Variants in TSHZ3 observed in about 807,000 individuals in gnomAD.
TSHZ3 encodes the protein teashirt homolog 3.
Under a neutral mutation model 64.5 loss-of-function variants are expected in TSHZ3, and 10 were observed. The observed-to-expected ratio is 0.16, with a 90% CI of 0.10 to 0.26. The LOEUF is 0.26. TSHZ3 is among the 10% of genes least tolerant of loss of function. TSHZ3 has a pLI of 1.00. For missense variants in TSHZ3, 1,242 were observed against 1,421.7 expected, an observed-to-expected ratio of 0.87 and a Z score of 2.03; for synonymous variants, 608 against 593.1, an observed-to-expected ratio of 1.03 and a Z score of -0.36.
intron 1 of TSHZ3, among the ~76,000 whole-genome samples, chr19:31,294,611 T>C (rs1245281341): frequency 6.6e-6 from 1 of 152,248 alleles, no homozygotes; most frequent in African/African-American, 2.4e-5. Flanking sequence ...TTAAATAATT[T>C]TGACTGACAT....
At chr19:31,339,331 C>T (rs920845344) in intron 1 of TSHZ3, among the ~76,000 whole-genome samples, 3 of 151,982 alleles carry the variant, frequency 2.0e-5, no homozygotes, top group African/African-American at 7.3e-5. Flanking sequence ...TATGAATGAG[C>T]ATAACCTCTC....
intron 5 of TSHZ3, among the ~76,000 whole-genome samples, chr19:31,182,749 T>A (rs763261082): frequency 6.6e-6 from 1 of 152,106 alleles, no homozygotes; most frequent in Non-Finnish European, 1.5e-5. Context: ...GATAAGTTTC[T>A]TAGACAAAAA....
At chr19:31,335,514 C>T (rs1469859087) in intron 1 of TSHZ3, among the ~76,000 whole-genome samples, 1 of 152,190 alleles carries the variant, frequency 6.6e-6, no homozygotes, top group Non-Finnish European at 1.5e-5. Context: ...GTACTGACTG[C>T]CCTGGAAAAT....
At chr19:31,223,602 G>T (rs1022229970) in intron 4 of TSHZ3, among the ~76,000 whole-genome samples, 2 of 152,128 alleles carry the variant, frequency 1.3e-5, no homozygotes, top group African/African-American at 4.8e-5. Context: ...GGAAAGCGAT[G>T]CACATGTATT....
At chr19:31,239,811 G>A (rs1243615322) in intron 3 of TSHZ3, among the ~76,000 whole-genome samples, 1 of 152,024 alleles carries the variant, frequency 6.6e-6, no homozygotes, top group African/African-American at 2.4e-5. Flanking sequence ...TTGGACTCCT[G>A]AGTTCAAGTG....
At chr19:31,210,537 C>A (rs1975249215) in intron 4 of TSHZ3, among the ~76,000 whole-genome samples, 1 of 152,078 alleles carries the variant, frequency 6.6e-6, no homozygotes, top group Admixed American at 6.5e-5. Flanking sequence ...CCCAGCCATG[C>A]CTGGAACACG....
intron 5 of TSHZ3, among the ~76,000 whole-genome samples, chr19:31,199,683 A>G (rs1001662550): frequency 4.7e-5 from 7 of 149,296 alleles, no homozygotes; most frequent in African/African-American, 1.7e-4. Context: ...TATAATGTCA[A>G]AGGGATGATC....
chr19:31,303,756 G>A (rs1382259386), intron 1 of TSHZ3, among the ~76,000 whole-genome samples: 2 of 152,216 alleles, frequency 1.3e-5, no homozygotes, highest in Non-Finnish European at 2.9e-5. Context: ...CCCGCTGGCT[G>A]CACTGTCATG....
chr19:31,279,365 G>A lies in TSHZ3; in HGVS notation c.428C>T (p.Ser143Leu), dbSNP rs780578145. ...GCTGCTGCTGCCGTTGTTCTTCTCC[G>A]AGGAGGGCTGGTGCAGGTTGAGGTT... Reference protein sequence around the residue: ...NLNLNLHQPSSEKNNGSSSSS... With the variant: ...NLNLNLHQPSLEKNNGSSSSS... The change falls in exon 2 of 2, where the codon TCG (serine) becomes TTG (leucine). Residue 143 changes from serine (S) to leucine (L), a missense_variant. Coordinates refer to ENST00000240587, the MANE Select transcript of TSHZ3 (RefSeq NM_020856.4). The surrounding 1 kb of genome is among the most constrained non-coding windows in gnomAD (Gnocchi z 6.4). 7 of 1,614,188 alleles carry A rather than the reference G, an allele frequency of 4.3e-6. No individual in the cohort carries two copies. The highest frequency in any genetic ancestry group is 1.7e-5 in the Admixed American group (1 of 60,022).
chr19:31,271,861 C>A (rs535954787), downstream of TSHZ3, among the ~76,000 whole-genome samples: 15 of 151,974 alleles, frequency 9.9e-5, no homozygotes, highest in Non-Finnish European at 2.2e-4. Context: ...TTAGCTAAGA[C>A]GATAATAGCT....
chr19:31,179,660 AATG>A (rs1370337345), intron 5 of TSHZ3, among the ~76,000 whole-genome samples: 1 of 151,360 alleles, frequency 6.6e-6, no homozygotes, highest in Non-Finnish European at 1.5e-5. Context: ...TGATGGTGGC[AATG>A]ATGATGGTGG....
intron 4 of TSHZ3, among the ~76,000 whole-genome samples, chr19:31,209,681 G>A (rs1975236413): frequency 6.6e-6 from 1 of 152,188 alleles, no homozygotes; most frequent in South Asian, 2.1e-4. Flanking sequence ...GCAGTGCTAG[G>A]AAAGCATCAT....
chr19:31,277,252 T>C lies in TSHZ3; in HGVS notation c.2541A>G (p.Ile847Met). Reference sequence around the variant, plus strand: ...CTGTCAAGTTCTTCAGCATATCGGATATATCTGACAAGGCATTCTCGCGTA... The same window carrying C: ...CTGTCAAGTTCTTCAGCATATCGGACATATCTGACAAGGCATTCTCGCGTA... ...SPLRENALSD[I>M]SDMLKNLTES... The change falls in exon 2 of 2, where the codon ATA becomes ATG. Residue 847 changes from isoleucine to methionine, a missense_variant. Physicochemically the swap from Ile to Met is conservative, Grantham distance 10. This residue lies in a region of TSHZ3 where 550 missense variants were observed against 545.1 expected (regional missense o/e 1.01). Transcript: ENST00000240587. The surrounding 1 kb of genome is among the most constrained non-coding windows in gnomAD (Gnocchi z 4.5). 4.3e-6 allele frequency: 7 copies of C among 1,614,126 alleles called. No individual in the cohort carries two copies. Among genetic ancestry groups the C allele is most frequent in the Non-Finnish European group, 5.9e-6 (7 of 1,180,006 alleles).
At chr19:31,248,646 C>G (rs1164606557) in intron 1 of TSHZ3, among the ~76,000 whole-genome samples, 1 of 150,616 alleles carries the variant, frequency 6.6e-6, no homozygotes, top group African/African-American at 2.5e-5. Flanking sequence ...AAAAGACTAG[C>G]AAGGCATAGT....
chr19:31,281,671 C>T (rs1007412078), intron 1 of TSHZ3, among the ~76,000 whole-genome samples: 6 of 152,174 alleles, frequency 3.9e-5, no homozygotes, highest in African/African-American at 1.2e-4. Flanking sequence ...GGAAATACGG[C>T]GCTGGCCAAT....
intron 5 of TSHZ3, among the ~76,000 whole-genome samples, chr19:31,168,709 AG>A (rs1974492112): frequency 6.6e-6 from 1 of 152,178 alleles, no homozygotes; most frequent in African/African-American, 2.4e-5. Flanking sequence ...AACAAAGAAA[AG>A]CCAATGTCTT....
rs34701889 is a variant in TSHZ3 at position 31,187,399 on chromosome 19, GTT to G, written n.809+17555_809+17556del. ...ATTGTACCAATTCACGTTTAATCGT[GTT>G]TTTTTTTTTAATAAGCAGAAGCTTT... On this transcript the variant is annotated intron_variant and non_coding_transcript_variant, in intron 5 of 6. Transcript: ENST00000651361. Among the ~76,000 whole-genome samples the G allele has an allele frequency of 9.8e-4, 146 of 149,542 alleles. No individual in the cohort carries two copies. In the South Asian group the frequency reaches 0.011, roughly 11 times the overall value.
At chr19:31,221,755 G>A (rs764712892) in intron 4 of TSHZ3, among the ~76,000 whole-genome samples, 10 of 152,286 alleles carry the variant, frequency 6.6e-5, no homozygotes, top group Non-Finnish European at 1.3e-4. Flanking sequence ...GCATTAACAC[G>A]GTATCTGGCC....
chr19:31,312,211 C>T (rs2145155610), intron 1 of TSHZ3, among the ~76,000 whole-genome samples: 1 of 152,340 alleles, frequency 6.6e-6, no homozygotes, highest in African/African-American at 2.4e-5. Flanking sequence ...GGCCCATCTT[C>T]CCTCCCACGG....
Sources: allele counts gnomAD v4.1 joint callset (sites outside exome capture counted in the v4.1 genomes callset), GRCh38; gene constraint gnomAD v4.1.1; regional missense constraint gnomAD v4.1.1; non-coding constraint Gnocchi (gnomAD v3.1); transcripts MANE v1.5; gene names NCBI Gene and HGNC (gene_info 2026-07-23, HGNC 2026-07-21).